ZNF804A: variants seen among roughly 807,000 people sequenced by gnomAD.
ZNF804A encodes the protein zinc finger protein 804A.
In ZNF804A, 2 loss-of-function variants were observed where a neutral mutation model predicts 16.5. The ratio of observed to expected loss-of-function variants is 0.12; its 90% CI spans 0.05 to 0.38. The LOEUF is 0.38. Among genes scored for constraint, ZNF804A ranks in the 10% least tolerant of loss-of-function variants. ZNF804A has a pLI of 0.99. For missense variants in ZNF804A, 1,473 were observed against 1,390.7 expected (o/e 1.06, Z -0.94); for synonymous variants, 534 against 489.6 (o/e 1.09, Z -1.20).
intron 1 of ZNF804A, among the ~76,000 whole-genome samples, chr2:184,782,233 T>A (rs1441053697): frequency 6.6e-6 from 1 of 151,668 alleles, no homozygotes; most frequent in African/African-American, 2.4e-5. Context: ...GAATTTGACA[T>A]TTTGTTTTTG....
At chr2:184,710,681 C>A (rs960825251) in intron 1 of ZNF804A, among the ~76,000 whole-genome samples, 2 of 151,650 alleles carry the variant, frequency 1.3e-5, no homozygotes, top group African/African-American at 4.8e-5. Context: ...TTTCTCACTG[C>A]AGCCCCTAGC....
chr2:184,729,928 G>C (rs7568843), intron 1 of ZNF804A, among the ~76,000 whole-genome samples: 21,090 of 152,042 alleles, frequency 0.14, 1,587 homozygotes, highest in Middle Eastern at 0.23. Context: ...ATTTCTCTTT[G>C]CATGCCTGTC....
chr2:184,637,816 A>G (rs755419021), intron 1 of ZNF804A, among the ~76,000 whole-genome samples: 8 of 152,182 alleles, frequency 5.3e-5, no homozygotes, highest in Non-Finnish European at 1.0e-4. Flanking sequence ...TGAGGGTGCA[A>G]TTAAATCATA....
intron 1 of ZNF804A, among the ~76,000 whole-genome samples, chr2:184,628,456 T>G (rs2105684945): frequency 6.6e-6 from 1 of 152,244 alleles, no homozygotes; most frequent in South Asian, 2.1e-4. Context: ...GAAGAACATC[T>G]GAAAATTTTA....
At chr2:184,910,714 C>T (rs1288953390) in intron 2 of ZNF804A, among the ~76,000 whole-genome samples, 5 of 151,910 alleles carry the variant, frequency 3.3e-5, no homozygotes, top group Non-Finnish European at 5.9e-5. Flanking sequence ...ATTTGCATTT[C>T]CCTAATGATT....
At position 184,824,477 on chromosome 2, in the gene ZNF804A, G is replaced by GA. The variant is rs542644879; in HGVS notation, c.112-41882dup. Among the ~76,000 whole-genome samples the GA allele has an allele frequency of 2.3e-3, 327 of 144,976 alleles. 1 individual carries two copies. Among genetic ancestry groups the GA allele is most frequent in the African/African-American group, 7.3e-3 (289 of 39,686 alleles). Reference sequence around the variant, plus strand: ...AAGCATATTCATGTCCTCGGTAAAAGAAAAAAAAAACAGAATGGACATTTT... The same window carrying GA: ...AAGCATATTCATGTCCTCGGTAAAAGAAAAAAAAAAACAGAATGGACATTTT... On this transcript the variant is annotated intron_variant, in intron 1 of 3. Coordinates refer to ENST00000302277, the MANE Select transcript of ZNF804A (RefSeq NM_194250.2).
At chr2:184,777,250 T>C (rs1481117869) in intron 1 of ZNF804A, among the ~76,000 whole-genome samples, 1 of 151,692 alleles carries the variant, frequency 6.6e-6, no homozygotes, top group African/African-American at 2.4e-5. Context: ...ACCCACCATT[T>C]TGATATACCA....
At chr2:184,819,382 A>T (rs999261690) in intron 1 of ZNF804A, among the ~76,000 whole-genome samples, 5 of 152,086 alleles carry the variant, frequency 3.3e-5, no homozygotes, top group Non-Finnish European at 5.9e-5. Flanking sequence ...GAGAACAAAG[A>T]GGCAGTATAT....
At chr2:184,917,852 C>A (rs973156745) in intron 2 of ZNF804A, among the ~76,000 whole-genome samples, 1 of 151,862 alleles carries the variant, frequency 6.6e-6, no homozygotes, top group Admixed American at 6.6e-5. Context: ...GGAAAATATT[C>A]TCATGTCAAT....
At chr2:184,701,165 T>C (rs1293764429) in intron 1 of ZNF804A, among the ~76,000 whole-genome samples, 1 of 151,940 alleles carries the variant, frequency 6.6e-6, no homozygotes, top group Non-Finnish European at 1.5e-5. Context: ...CTTACTTTAA[T>C]TGCATGCATT....
intron 1 of ZNF804A, among the ~76,000 whole-genome samples, chr2:184,644,328 A>T (rs1574144481): frequency 6.6e-6 from 1 of 151,708 alleles, no homozygotes; most frequent in East Asian, 1.9e-4. Flanking sequence ...AGTATTTATA[A>T]CCCATGCAGA....
At chr2:184,762,528 C>G (rs1288286408) in intron 1 of ZNF804A, among the ~76,000 whole-genome samples, 1 of 151,772 alleles carries the variant, frequency 6.6e-6, no homozygotes, top group Non-Finnish European at 1.5e-5. Context: ...TTTGCCTACT[C>G]TCTGTTACTT....
At chr2:184,879,066 T>G (rs1204019978) in intron 2 of ZNF804A, among the ~76,000 whole-genome samples, 1 of 151,980 alleles carries the variant, frequency 6.6e-6, no homozygotes, top group Non-Finnish European at 1.5e-5. Flanking sequence ...ACAAATTATG[T>G]CTATACTACT....
chr2:184,649,213 T>A (rs1335138944), intron 1 of ZNF804A, among the ~76,000 whole-genome samples: 4 of 152,072 alleles, frequency 2.6e-5, no homozygotes, highest in Non-Finnish European at 5.9e-5. Context: ...GCAGAATTTT[T>A]AAAAAAATCT....
intron 1 of ZNF804A, among the ~76,000 whole-genome samples, chr2:184,798,897 G>C (rs1694678693): frequency 6.6e-6 from 1 of 152,144 alleles, no homozygotes; most frequent in Non-Finnish European, 1.5e-5. Flanking sequence ...GAAGGCTGTA[G>C]TTCAGATCCT....
At chr2:184,604,507 T>C (rs1343697431) in intron 1 of ZNF804A, among the ~76,000 whole-genome samples, 2 of 152,110 alleles carry the variant, frequency 1.3e-5, no homozygotes, top group Non-Finnish European at 2.9e-5. Flanking sequence ...AGCGAGAATT[T>C]CAGGGATGAC....
intron 1 of ZNF804A, among the ~76,000 whole-genome samples, chr2:184,850,318 A>C (rs1025544556): frequency 6.6e-6 from 1 of 151,918 alleles, no homozygotes; most frequent in East Asian, 1.9e-4. Flanking sequence ...GCCTATATCA[A>C]AACATCATGT....
Position 184,938,548 on chromosome 2 carries a change from T to G in ZNF804A, c.3152T>G (p.Val1051Gly), listed in dbSNP as rs144826858. 1.9e-6 allele frequency: 3 copies of G among 1,613,870 alleles called. No individual in the cohort carries two copies. The highest frequency in any genetic ancestry group is 1.6e-4 in the Middle Eastern group (1 of 6,082). ...AAATTCAAAAATGTACCATGTGAGG[T>G]CTACCAGCACATTCTGCAGCCAAAC... ...HDKFKNVPCE[V>G]YQHILQPNML... Residue 1051 changes from valine to glycine, a missense_variant, in exon 4 of 4, where the codon GTC becomes GGC. Val to Gly is a moderately radical substitution (Grantham distance 109). Transcript: ENST00000302277.
rs532519194 is a variant in ZNF804A, at chr2:184,851,986, T to C, written c.112-14383T>C. On this transcript the variant is annotated intron_variant, in intron 1 of 3. Transcript: ENST00000302277. ...ATCTTTGGGGCATTCGTATGTCTTC[T>C]TCTGAAAAATGTCTATTCAGGTCCT... Among the ~76,000 whole-genome samples the C allele has an allele frequency of 3.9e-5, 6 of 152,026 alleles. No homozygotes were observed. In the South Asian group the frequency reaches 1.2e-3, roughly 31 times the overall value.
Sources: allele counts gnomAD v4.1 joint callset (sites outside exome capture counted in the v4.1 genomes callset), GRCh38; gene constraint gnomAD v4.1.1; transcripts MANE v1.5; gene names NCBI Gene and HGNC (gene_info 2026-07-23, HGNC 2026-07-21).